The following VAV3 variants were observed in gnomAD, a reference collection of about 807,000 sequenced individuals.
VAV3 encodes the protein guanine nucleotide exchange factor VAV3.
Under a neutral mutation model 131.2 loss-of-function variants are expected in VAV3, and 94 were observed. The ratio of observed to expected loss-of-function variants is 0.72; its 90% CI spans 0.61 to 0.85. The LOEUF (loss-of-function observed/expected upper bound fraction) is 0.85. Ranked by LOEUF, VAV3 falls within the 40% of genes least tolerant of loss-of-function variation. The pLI, the probability that VAV3 is intolerant of heterozygous loss-of-function variation, is 0.00. For synonymous variants in VAV3, 349 were observed against 342.0 expected (o/e 1.02, Z -0.22); for missense variants, 939 against 1,002.7 (o/e 0.94, Z 0.86).
chr1:107,809,226 T>C (rs1667204513), intron 2 of VAV3, among the ~76,000 whole-genome samples: 1 of 152,182 alleles, frequency 6.6e-6, no homozygotes, highest in African/African-American at 2.4e-5. Flanking sequence ...TTGACCACTG[T>C]CAGTTCAGCA....
chr1:107,643,401 T>C (rs1303459408), intron 19 of VAV3, among the ~76,000 whole-genome samples: 2 of 152,164 alleles, frequency 1.3e-5, no homozygotes, highest in Non-Finnish European at 2.9e-5. Context: ...TTGTATTTCT[T>C]TGAATGTGCA....
chr1:107,574,988 T>C (rs906739965), intron 25 of VAV3, among the ~76,000 whole-genome samples: 6 of 31,764 alleles, frequency 1.9e-4, no homozygotes, highest in African/African-American at 4.4e-4. Context: ...TGTGTGTGTG[T>C]GTGTGCGTGC....
At chr1:107,864,492 A>G (rs147355290) in intron 2 of VAV3, among the ~76,000 whole-genome samples, 1,914 of 152,136 alleles carry the variant, frequency 0.013, 45 homozygotes, top group African/African-American at 0.044. Context: ...CTGTGGTGGC[A>G]TGCACCTGTA....
At chr1:107,687,946 C>G (rs1157694899) in intron 18 of VAV3, among the ~76,000 whole-genome samples, 1 of 152,144 alleles carries the variant, frequency 6.6e-6, no homozygotes, top group African/African-American at 2.4e-5. Context: ...TCTTTCTGCT[C>G]TAATGGAAAA....
chr1:107,817,032 C>T (rs986917548), intron 2 of VAV3, among the ~76,000 whole-genome samples: 1 of 152,170 alleles, frequency 6.6e-6, no homozygotes, highest in African/African-American at 2.4e-5. Context: ...CCTCCAATAA[C>T]AGCTATTCAA....
chr1:107,740,158 G>A (rs575233296), intron 15 of VAV3, among the ~76,000 whole-genome samples: 6 of 152,208 alleles, frequency 3.9e-5, no homozygotes, highest in East Asian at 1.9e-4. Flanking sequence ...GTGGTGTTGC[G>A]TGCCTATAAT....
intron 1 of VAV3, among the ~76,000 whole-genome samples, chr1:107,927,697 T>C (rs345304): frequency 0.61 from 92,090 of 151,696 alleles, 29,800 homozygotes; most frequent in Middle Eastern, 0.76. Flanking sequence ...CCTCTGCCTG[T>C]GGAAAGGGGA....
intron 1 of VAV3, among the ~76,000 whole-genome samples, chr1:107,925,462 A>G (rs977634955): frequency 1.3e-5 from 2 of 152,236 alleles, no homozygotes; most frequent in African/African-American, 4.8e-5. Flanking sequence ...AGAACAAAAT[A>G]TGGTGTATAC....
At chr1:107,577,608 A>G (rs191067309) in intron 25 of VAV3, among the ~76,000 whole-genome samples, 15 of 152,288 alleles carry the variant, frequency 9.8e-5, no homozygotes, top group Admixed American at 9.8e-4. Flanking sequence ...AATACAGTGG[A>G]CACACGCCTT....
chr1:107,667,503 T>G (rs889385938), intron 19 of VAV3, among the ~76,000 whole-genome samples: 1 of 152,154 alleles, frequency 6.6e-6, no homozygotes, highest in African/African-American at 2.4e-5. Context: ...TGAGATGCAA[T>G]TTTTACACAA....
chr1:107,582,461 T>C (rs894892667), intron 25 of VAV3, among the ~76,000 whole-genome samples: 1 of 152,070 alleles, frequency 6.6e-6, no homozygotes, highest in South Asian at 2.1e-4. Flanking sequence ...GTGCACAATG[T>C]GCAGGTTAGT....
intron 1 of VAV3, among the ~76,000 whole-genome samples, chr1:107,964,055 C>T (rs1056074040): frequency 6.6e-6 from 1 of 152,224 alleles, no homozygotes; most frequent in African/African-American, 2.4e-5. Context: ...CTCCTTCTCA[C>T]ATGGCTTAGG....
intron 1 of VAV3, among the ~76,000 whole-genome samples, chr1:107,959,646 C>T (rs911548038): frequency 6.6e-6 from 1 of 152,170 alleles, no homozygotes; most frequent in Non-Finnish European, 1.5e-5. Context: ...CAGGCATGCT[C>T]CAATGGCTCA....
intron 15 of VAV3, among the ~76,000 whole-genome samples, chr1:107,718,910 A>T (rs1432370382): frequency 6.6e-6 from 1 of 152,242 alleles, no homozygotes; most frequent in East Asian, 1.9e-4. Flanking sequence ...CCACACATCT[A>T]CAAACATCTG....
rs1271082643 is a variant in VAV3, at chr1:107,764,429, A to G, written c.921+647T>C. On this transcript the variant is annotated intron_variant, in intron 9 of 26. Transcript: ENST00000370056. ...TTATCACATGTTATTTAATCCTACC[A>G]TATTTGTGTTCGTCTTCTCTTCCTT... Among the ~76,000 whole-genome samples, 3 of 152,162 alleles carry G rather than the reference A, an allele frequency of 2.0e-5. No individual in the cohort carries two copies. In the South Asian group the frequency reaches 6.2e-4, roughly 31 times the overall value.
At chr1:107,614,945 G>C (rs534669432) in intron 21 of VAV3, among the ~76,000 whole-genome samples, 75 of 152,114 alleles carry the variant, frequency 4.9e-4, no homozygotes, top group African/African-American at 1.8e-3. Context: ...ATAATATCCT[G>C]CCACCTGCCT....
chr1:107,666,881 G>C (rs7543213), intron 19 of VAV3, among the ~76,000 whole-genome samples: 60,578 of 151,926 alleles, frequency 0.4, 12,207 homozygotes, highest in Middle Eastern at 0.51. Flanking sequence ...TAAGTGACTT[G>C]AGCAAGGTCA....
In VAV3 at chr1:107,952,468, T is replaced by TTTTATA. The variant is rs1553235441; in HGVS notation, c.204+12197_204+12198insTATAAA. Among the ~76,000 whole-genome samples, 4 of 119,004 alleles carry TTTTATA rather than the reference T, an allele frequency of 3.4e-5. 1 individual carries two copies. The highest frequency in any genetic ancestry group is 1.4e-4 in the African/African-American group (4 of 28,224). 78.1% of individuals were successfully genotyped at this position (119,004 alleles called of 152,430 possible). On this transcript the variant is annotated intron_variant, in intron 1 of 26. Transcript: ENST00000370056. The stretch of plus-strand genomic sequence containing the variant: ...TGTGCCCCGAACTTATAACAAAACT[T>TTTTATA]TATATATATATATATATACACACAT...
At chr1:107,945,773 G>A (rs1674224941) in intron 1 of VAV3, among the ~76,000 whole-genome samples, 1 of 146,850 alleles carries the variant, frequency 6.8e-6, no homozygotes, top group African/African-American at 2.5e-5. Context: ...AGTGAATCGA[G>A]ATCGCGCCAT....
Sources: allele counts gnomAD v4.1 joint callset (sites outside exome capture counted in the v4.1 genomes callset), GRCh38; gene constraint gnomAD v4.1.1; transcripts MANE v1.5; gene names NCBI Gene and HGNC (gene_info 2026-07-23, HGNC 2026-07-21).